C2orf66: variants seen among roughly 807,000 people sequenced by gnomAD.
C2orf66 encodes the protein uncharacterized protein C2orf66.
C2orf66 carries 6 observed loss-of-function variants against 7.0 expected under a neutral mutation model. The ratio of observed to expected loss-of-function variants is 0.86; its 90% CI spans 0.47 to 1.69. The LOEUF (loss-of-function observed/expected upper bound fraction) is 1.69. Ranked by LOEUF, C2orf66 falls within the 40% of genes most tolerant of loss-of-function variation. C2orf66 has a pLI of 0.01. For missense variants in C2orf66, 107 were observed against 112.0 expected, an observed-to-expected ratio of 0.96 and a Z score of 0.20; for synonymous variants, 38 against 43.8, an observed-to-expected ratio of 0.87 and a Z score of 0.52.
upstream of C2orf66, among the ~76,000 whole-genome samples, chr2:196,813,151 G>A (rs1457805922): frequency 1.3e-5 from 2 of 152,102 alleles, no homozygotes; most frequent in Non-Finnish European, 2.9e-5. Flanking sequence ...CAAAGCTGAA[G>A]GCACCATGCT....
At chr2:196,825,140 A>G in the C2orf66 span, among the ~76,000 whole-genome samples, 1 of 151,882 alleles carries the variant, frequency 6.6e-6, no homozygotes, top group East Asian at 1.9e-4. Context: ...AGGCTGAGGC[A>G]AAAGAAGTGC....
chr2:196,814,517 C>A, the C2orf66 span, among the ~76,000 whole-genome samples: 3 of 152,030 alleles, frequency 2.0e-5, no homozygotes, highest in Non-Finnish European at 4.4e-5. Flanking sequence ...CATGCGTATA[C>A]CTGTATAACA....
chr2:196,807,129 G>A (rs1201309500), intron 2 of C2orf66, among the ~76,000 whole-genome samples: 1 of 152,150 alleles, frequency 6.6e-6, no homozygotes, highest in Non-Finnish European at 1.5e-5. Flanking sequence ...ATACAGGTAA[G>A]AGTGTGGCCA....
upstream of C2orf66, among the ~76,000 whole-genome samples, chr2:196,813,413 A>G (rs1246813334): frequency 6.6e-6 from 1 of 152,238 alleles, no homozygotes; most frequent in Non-Finnish European, 1.5e-5. Context: ...CTTACAGCTT[A>G]TATGAATATT....
At chr2:196,818,675 CACTG>C in the C2orf66 span, among the ~76,000 whole-genome samples, 1 of 152,230 alleles carries the variant, frequency 6.6e-6, no homozygotes, top group East Asian at 1.9e-4. Flanking sequence ...CGGATTCACA[CACTG>C]ACTGAGACAT....
the C2orf66 span, among the ~76,000 whole-genome samples, chr2:196,827,451 T>C: frequency 3.9e-5 from 6 of 151,978 alleles, no homozygotes; most frequent in Admixed American, 2.0e-4. Context: ...CAAAATCTTT[T>C]CCAGAAAATA....
the C2orf66 span, among the ~76,000 whole-genome samples, chr2:196,816,695 A>G: frequency 6.6e-6 from 1 of 152,194 alleles, no homozygotes; most frequent in Non-Finnish European, 1.5e-5. Context: ...CGAATCTAAA[A>G]TAAAAGTTGG....
At chr2:196,813,018 T>C (rs925640736), upstream of C2orf66, among the ~76,000 whole-genome samples, 8 of 152,180 alleles carry the variant, frequency 5.3e-5, no homozygotes, top group Non-Finnish European at 1.0e-4. Context: ...AAGTAATTTA[T>C]AGATTCAATG....
At chr2:196,811,711 G>A (rs1699879020), upstream of C2orf66, among the ~76,000 whole-genome samples, 1 of 152,172 alleles carries the variant, frequency 6.6e-6, no homozygotes, top group Admixed American at 6.5e-5. Flanking sequence ...CACAGATCTG[G>A]AGCTCAAAGG....
chr2:196,819,391 C>T, the C2orf66 span, among the ~76,000 whole-genome samples: 5 of 152,136 alleles, frequency 3.3e-5, no homozygotes, highest in Admixed American at 3.3e-4. Flanking sequence ...CTCTCCTGCC[C>T]TTTTTCTGCC....
At chr2:196,815,790 C>T in the C2orf66 span, among the ~76,000 whole-genome samples, 4 of 152,108 alleles carry the variant, frequency 2.6e-5, no homozygotes, top group Non-Finnish European at 4.4e-5. Flanking sequence ...ACTATATAAC[C>T]TTTTCAAACC....
chr2:196,812,843 G>A (rs186516893), upstream of C2orf66, among the ~76,000 whole-genome samples: 15 of 152,196 alleles, frequency 9.9e-5, no homozygotes, highest in African/African-American at 3.4e-4. Flanking sequence ...GCTACAAAGA[G>A]AATAAAATAT....
chr2:196,806,272 A>G (rs943112028), intron 2 of C2orf66, among the ~76,000 whole-genome samples: 4 of 152,080 alleles, frequency 2.6e-5, no homozygotes, highest in African/African-American at 9.7e-5. Flanking sequence ...CTCTCAGCTC[A>G]CTGCAAGCTC....
the C2orf66 span, among the ~76,000 whole-genome samples, chr2:196,823,672 G>T: frequency 7.5e-6 from 1 of 133,956 alleles, no homozygotes; most frequent in Non-Finnish European, 1.6e-5. Context: ...ACCAAAGAAA[G>T]AAATTATTAT....
Position 196,804,662 on chromosome 2 carries a change from G to A in C2orf66, c.*766C>T, listed in dbSNP as rs1699800010. Among the ~76,000 whole-genome samples, 1 of 152,218 alleles carries A rather than the reference G, an allele frequency of 6.6e-6. No individual in the cohort carries two copies. The highest frequency in any genetic ancestry group is 1.5e-5 in the Non-Finnish European group (1 of 68,050). On this transcript the variant is annotated 3_prime_UTR_variant, in exon 3 of 3. Transcript: ENST00000342506. ...AGCATGAGCTAGAGTAAGGAGAGCA[G>A]GGGCTGGTTGGAAAGAGAGGAAATC...
chr2:196,826,175 G>A, the C2orf66 span, among the ~76,000 whole-genome samples: 1 of 152,108 alleles, frequency 6.6e-6, no homozygotes, highest in Non-Finnish European at 1.5e-5. Context: ...ATCTGGTAAT[G>A]TCACTCCTCC....
At chr2:196,825,966 A>C in the C2orf66 span, among the ~76,000 whole-genome samples, 1 of 152,192 alleles carries the variant, frequency 6.6e-6, no homozygotes, top group South Asian at 2.1e-4. Context: ...ATATTATTAA[A>C]TATTTATTAT....
At chr2:196,827,699 G>A in the C2orf66 span, among the ~76,000 whole-genome samples, 2 of 152,224 alleles carry the variant, frequency 1.3e-5, no homozygotes, top group East Asian at 3.9e-4. Flanking sequence ...CATTCTAGCT[G>A]GATTTATTTT....
At chr2:196,810,122 T>G (rs1285551166), upstream of C2orf66, 1 of 152,222 alleles carries the variant, frequency 6.6e-6, no homozygotes, top group Non-Finnish European at 1.5e-5. Context: ...TTATTTGCCT[T>G]AGAAATGCGG....
Sources: allele counts gnomAD v4.1 joint callset (sites outside exome capture counted in the v4.1 genomes callset), GRCh38; gene constraint gnomAD v4.1.1; transcripts MANE v1.5; gene names NCBI Gene and HGNC (gene_info 2026-07-23, HGNC 2026-07-21).